Variants in MUL1 observed in about 807,000 individuals in gnomAD.
MUL1 encodes the protein mitochondrial ubiquitin ligase activator of NFKB 1.
MUL1 carries 30 observed loss-of-function variants against 34.1 expected under a neutral mutation model. That is an observed-to-expected ratio of 0.88 (90% CI 0.66 to 1.19). The LOEUF is 1.19. MUL1 is among the 50% of genes most tolerant of loss of function. MUL1 has a pLI of 0.00. For synonymous variants in MUL1, 191 were observed against 187.8 expected (o/e 1.02, Z -0.14); for missense variants, 419 against 450.5 (o/e 0.93, Z 0.63).
intron 2 of MUL1, 81 bp downstream of exon 2, chr1:20,503,141 C>A: frequency 1.0e-6 from 1 of 996,636 alleles, no homozygotes; most frequent in Non-Finnish European, 1.5e-6. Flanking sequence ...CCACAAAAGG[C>A]TCTTCATATT....
In MUL1 at chr1:20,500,188, T is replaced by C. The variant is rs1294671422; in HGVS notation, c.*502A>G. ...CAGCCTGACAATTCTGAAGAAAGAC[T>C]GTTTCCCGGGGCATGAGGAAAAAGA... is the stretch of plus-strand genomic sequence containing the variant. On this transcript the variant is annotated 3_prime_UTR_variant, in exon 4 of 4. Transcript: ENST00000264198. The C allele has an allele frequency of 6.5e-6, 1 of 153,122 alleles. No homozygotes were observed. Among genetic ancestry groups the C allele is most frequent in the African/African-American group, 2.4e-5 (1 of 41,438 alleles). 9.5% of individuals were successfully genotyped at this position (153,122 alleles called of 1,614,324 possible). A position where few individuals can be genotyped will look rare whatever the true frequency, so the allele number is the denominator to read the frequency against.
In MUL1 at chr1:20,501,358, G is replaced by A; in HGVS notation, c.391C>T (p.His131Tyr). ...TNTVPFDLVP[H>Y]EDGVDVAVRV... ...ACAGCCACATCCACGCCATCCTCGTGGGGCACCAGGTCAAAGGGCACTGTG... is the reference window on the plus strand; with the variant it reads ...ACAGCCACATCCACGCCATCCTCGTAGGGCACCAGGTCAAAGGGCACTGTG... Residue 131 changes from histidine (H) to tyrosine (Y), a missense_variant, in exon 4 of 4, where the codon CAC becomes TAC. Coordinates refer to ENST00000264198, the MANE Select transcript of MUL1 (RefSeq NM_024544.3). The surrounding 1 kb of genome is among the most constrained non-coding windows in gnomAD (Gnocchi z 4.2). The A allele has an allele frequency of 6.2e-7, 1 of 1,614,160 alleles. No individual in the cohort carries two copies. The highest frequency in any genetic ancestry group is 8.5e-7 in the Non-Finnish European group (1 of 1,180,042).
chr1:20,501,307 C>T lies in MUL1; in HGVS notation c.442G>A (p.Val148Met), dbSNP rs372420757. ...TACACAGTCTCTAGACCCAGATCCA[C>T]TGAGTCCAGGGGCTTCAGCACTCGC... ...AVRVLKPLDS[V>M]DLGLETVYEK... The change falls in exon 4 of 4, where the codon GTG (valine) becomes ATG (methionine). Residue 148 changes from valine (V) to methionine (M), a missense_variant. Coordinates refer to ENST00000264198, the MANE Select transcript of MUL1 (RefSeq NM_024544.3). This position sits in a 1 kb window ranked among gnomAD's most constrained non-coding sequence, Gnocchi z 4.2. 3.7e-6 allele frequency: 6 copies of T among 1,614,198 alleles called. No homozygotes were observed. The highest frequency in any genetic ancestry group is 5.1e-6 in the Non-Finnish European group (6 of 1,180,032).
At position 20,502,201 on chromosome 1, in the gene MUL1, C is replaced by T. The variant is rs1417849119; in HGVS notation, c.209-12G>A. 6.2e-7 allele frequency: 1 copy of T among 1,613,684 alleles called. No homozygotes were observed. The highest frequency in any genetic ancestry group is 8.5e-7 in the Non-Finnish European group (1 of 1,179,858). ...AGACCGCACAGCTCCTAAGTGGACA[C>T]AAATTCTATTATTTCTGAAGAAGTT... On this transcript the variant is annotated splice_polypyrimidine_tract_variant and intron_variant, in intron 2 of 3. Transcript: ENST00000264198.
chr1:20,502,654 C>T (rs565677127), intron 2 of MUL1, among the ~76,000 whole-genome samples: 1 of 152,262 alleles, frequency 6.6e-6, no homozygotes, highest in East Asian at 1.9e-4. Flanking sequence ...CTGCCTCAGC[C>T]CCCCGAGTAG....
In MUL1 at chr1:20,501,481, G is replaced by C; in HGVS notation, c.330-62C>G. ...AACAGCAAACACCCAGGCAGAACTG[G>C]AGATCAACTAAATGTGGAGGACAGC... On this transcript the variant is annotated intron_variant, in intron 3 of 3. Coordinates refer to ENST00000264198, the MANE Select transcript of MUL1 (RefSeq NM_024544.3). The surrounding 1 kb of genome is among the most constrained non-coding windows in gnomAD (Gnocchi z 4.2). 6.5e-7 allele frequency: 1 copy of C among 1,535,476 alleles called. No homozygotes were observed. The highest frequency in any genetic ancestry group is 1.4e-5 in the African/African-American group (1 of 73,336).
chr1:20,500,972 G>A lies in MUL1; in HGVS notation c.777C>T (p.Leu259=), dbSNP rs761396299. 16 of 1,613,974 alleles carry A rather than the reference G, an allele frequency of 9.9e-6. No individual in the cohort carries two copies. Among genetic ancestry groups the A allele is most frequent in the Non-Finnish European group, 1.4e-5 (16 of 1,180,056 alleles). The change falls in exon 4 of 4, where the codon CTC becomes CTT. Residue 259 remains leucine, a synonymous_variant. Transcript: ENST00000264198. ...CCTGCCGCTGCAGATACTGCTTCCG[G>A]AGAATGAAGAAGAGGGTGGCACATG... ...FATCATLFFI[L]RKQYLQRQER... is the part of the protein sequence containing the mutation.
At position 20,503,213 on chromosome 1, in the gene MUL1, C is replaced by CA; in HGVS notation, c.208+8dup. The CA allele has an allele frequency of 6.4e-7, 1 of 1,568,836 alleles. No individual in the cohort carries two copies. The highest frequency in any genetic ancestry group is 8.7e-7 in the Non-Finnish European group (1 of 1,152,006). On this transcript the variant is annotated intron_variant, in intron 2 of 3. Coordinates refer to ENST00000264198, the MANE Select transcript of MUL1 (RefSeq NM_024544.3). ...ACGTTGTTTTCCATTGACCAATAAG[C>CA]AAACATACCTTCTATAACAGCATAA...
At chr1:20,507,642 T>C (rs1429307659) in intron 1 of MUL1, among the ~76,000 whole-genome samples, 1 of 152,230 alleles carries the variant, frequency 6.6e-6, no homozygotes, top group Non-Finnish European at 1.5e-5. Flanking sequence ...AGGTGTTCAA[T>C]AAATATTTTT....
At chr1:20,505,751 T>C (rs543858345) in intron 1 of MUL1, among the ~76,000 whole-genome samples, 1 of 152,232 alleles carries the variant, frequency 6.6e-6, no homozygotes, top group African/African-American at 2.4e-5. Context: ...CAACTTTTTT[T>C]CCAGGAAGGG....
rs748844704 is a variant in MUL1 at position 20,500,699 on chromosome 1, G to A, written c.1050C>T (p.Tyr350=). The A allele has an allele frequency of 1.3e-6, 2 of 1,578,642 alleles. No individual in the cohort carries two copies. The highest frequency in any genetic ancestry group is 2.2e-5 in the East Asian group (1 of 44,510). ...RQAITRVIPL[Y]NS is the part of the protein sequence containing the mutation. ...TGCGGCTTCCAAACTATTAGCTGTTGTACAGGGGTATCACCCGGGTGATCG... is the reference window on the plus strand; with the variant it reads ...TGCGGCTTCCAAACTATTAGCTGTTATACAGGGGTATCACCCGGGTGATCG... The change falls in exon 4 of 4, where the codon TAC becomes TAT. Residue 350 remains tyrosine, a synonymous_variant. Transcript: ENST00000264198.
chr1:20,507,411 C>T (rs2051726394), intron 1 of MUL1, among the ~76,000 whole-genome samples: 1 of 152,136 alleles, frequency 6.6e-6, no homozygotes, highest in African/African-American at 2.4e-5. Flanking sequence ...GCATGACTCC[C>T]CTCATCTCCT....
intron 2 of MUL1, 21 bp downstream of exon 2, chr1:20,503,201 T>A (rs755630804): frequency 6.6e-7 from 1 of 1,514,702 alleles, no homozygotes; most frequent in Admixed American, 2.0e-5. Context: ...TTGTTTTCCA[T>A]TGACCAATAA....
intron 1 of MUL1, among the ~76,000 whole-genome samples, chr1:20,507,363 C>A (rs2051725637): frequency 6.6e-6 from 1 of 152,214 alleles, no homozygotes; most frequent in African/African-American, 2.4e-5. Context: ...AAATGGATGT[C>A]TGCACTTGCT....
In MUL1 at chr1:20,500,532, G is replaced by T; in HGVS notation, c.*158C>A. The T allele has an allele frequency of 2.1e-6, 2 of 931,720 alleles. No individual in the cohort carries two copies. Among genetic ancestry groups the T allele is most frequent in the Non-Finnish European group, 3.1e-6 (2 of 638,068 alleles). The allele number at this position is 931,720 out of a possible 1,614,324, so 57.7% of individuals were successfully genotyped here. On this transcript the variant is annotated 3_prime_UTR_variant, in exon 4 of 4. Transcript: ENST00000264198. The stretch of plus-strand genomic sequence containing the variant: ...GTGGGAAAGGCAGCATCCTGCCATT[G>T]GAGGCATGGGTCTGGAGAGTTTCTA...
Position 20,507,930 on chromosome 1 carries a change from T to C in MUL1, c.95A>G (p.Lys32Arg). 1 of 1,596,906 alleles carries C rather than the reference T, an allele frequency of 6.3e-7. No homozygotes were observed. Among genetic ancestry groups the C allele is most frequent in the Non-Finnish European group, 8.5e-7 (1 of 1,172,600 alleles). ...TAALYSVYRQKARVSQELKGA... is the reference protein window; with the variant it reads ...TAALYSVYRQRARVSQELKGA... ...CTTGAGCTCTTGGGAGACCCGGGCC[T>C]TCTGCCGGTACACGGAGTACAGGGC... is the stretch of plus-strand genomic sequence containing the variant. Residue 32 changes from lysine (K) to arginine (R), a missense_variant, in exon 1 of 4, where the codon AAG becomes AGG. Transcript: ENST00000264198.
Position 20,503,258 on chromosome 1 carries a change from C to T in MUL1, c.172G>A (p.Ala58Thr), listed in dbSNP as rs768730722. Residue 58 changes from alanine to threonine, a missense_variant, in exon 2 of 4, where the codon GCT becomes ACT. Transcript: ENST00000264198. Reference protein sequence around the residue: ...GEDLKSILSEAPGKCVPYAVI... With the variant: ...GEDLKSILSETPGKCVPYAVI... ...GCATAAGGCACGCATTTTCCTGGAG[C>T]TTCTGAAAGAATACTCTTTAAATCT... The T allele has an allele frequency of 9.9e-6, 16 of 1,609,992 alleles. No individual in the cohort carries two copies. The highest frequency in any genetic ancestry group is 1.4e-5 in the Non-Finnish European group (16 of 1,178,572).
Position 20,501,191 on chromosome 1 carries a change from C to T in MUL1, c.558G>A (p.Glu186=). 1 of 1,614,056 alleles carries T rather than the reference C, an allele frequency of 6.2e-7. No individual in the cohort carries two copies. The highest frequency in any genetic ancestry group is 2.2e-5 in the East Asian group (1 of 44,866). ...GERPKGIQET[E]EMLKVGATLT... Reference sequence around the variant, plus strand: ...GGGTGGCCCCCACCTTCAGCATCTCCTCGGTCTCTTGGATGCCTTTGGGCC... The same window carrying T: ...GGGTGGCCCCCACCTTCAGCATCTCTTCGGTCTCTTGGATGCCTTTGGGCC... The change falls in exon 4 of 4, where the codon GAG becomes GAA. Residue 186 remains glutamate, a synonymous_variant. Coordinates refer to ENST00000264198, the MANE Select transcript of MUL1 (RefSeq NM_024544.3). This position sits in a 1 kb window ranked among gnomAD's most constrained non-coding sequence, Gnocchi z 4.2.
intron 1 of MUL1, among the ~76,000 whole-genome samples, chr1:20,505,408 AC>A (rs1041612663): frequency 1.1e-4 from 16 of 151,818 alleles, no homozygotes; most frequent in Non-Finnish European, 2.2e-4. Context: ...AACATGCAAG[AC>A]CCCATCTCTA....
Sources: allele counts gnomAD v4.1 joint callset (sites outside exome capture counted in the v4.1 genomes callset), GRCh38; gene constraint gnomAD v4.1.1; non-coding constraint Gnocchi (gnomAD v3.1); transcripts MANE v1.5; gene names NCBI Gene and HGNC (gene_info 2026-07-23, HGNC 2026-07-21).